The following SYT9 variants were observed in gnomAD, a reference collection of about 807,000 sequenced individuals.
The protein encoded by SYT9 is synaptotagmin 9.
SYT9 carries 22 observed loss-of-function variants against 48.4 expected under a neutral mutation model. The observed-to-expected ratio is 0.45, with a 90% CI of 0.32 to 0.65. SYT9 has a LOEUF of 0.65. Among genes scored for constraint, SYT9 ranks in the 30% least tolerant of loss-of-function variants. SYT9 has a pLI of 0.03. For missense variants in SYT9, 577 were observed against 622.0 expected (o/e 0.93, Z 0.77); for synonymous variants, 265 against 245.0 (o/e 1.08, Z -0.76).
At chr11:7,415,719 T>A (rs375419060) in intron 3 of SYT9, among the ~76,000 whole-genome samples, 1 of 152,132 alleles carries the variant, frequency 6.6e-6, no homozygotes, top group South Asian at 2.1e-4. Flanking sequence ...GTGAGACTTA[T>A]GCACTGGAGG....
intron 3 of SYT9, among the ~76,000 whole-genome samples, chr11:7,369,594 G>C (rs1163884926): frequency 1.3e-5 from 2 of 151,864 alleles, no homozygotes; most frequent in African/African-American, 4.8e-5. Flanking sequence ...TTTTCTTCTG[G>C]GGTTTTTATG....
chr11:7,377,119 C>A (rs1850468937), intron 3 of SYT9, among the ~76,000 whole-genome samples: 1 of 150,428 alleles, frequency 6.6e-6, no homozygotes, highest in Non-Finnish European at 1.5e-5. Flanking sequence ...CCCTGATCAA[C>A]CTATTGTTCC....
chr11:7,405,683 T>C (rs1846994392), intron 3 of SYT9, among the ~76,000 whole-genome samples: 1 of 152,198 alleles, frequency 6.6e-6, no homozygotes, highest in Admixed American at 6.5e-5. Context: ...GAGTGAAAAT[T>C]TAAAAATCTG....
intron 1 of SYT9, among the ~76,000 whole-genome samples, chr11:7,277,384 A>G (rs1167001118): frequency 6.6e-6 from 1 of 152,214 alleles, no homozygotes; most frequent in African/African-American, 2.4e-5. Flanking sequence ...GTTACTGAAC[A>G]TTGCATTGTT....
intron 3 of SYT9, among the ~76,000 whole-genome samples, chr11:7,408,182 G>A (rs1847059742): frequency 6.6e-6 from 1 of 152,166 alleles, no homozygotes; most frequent in African/African-American, 2.4e-5. Context: ...AGGCTGGAGT[G>A]CAATGGCATG....
chr11:7,336,327 A>G (rs943224308), intron 3 of SYT9, among the ~76,000 whole-genome samples: 1 of 152,154 alleles, frequency 6.6e-6, no homozygotes, highest in Admixed American at 6.5e-5. Flanking sequence ...TTTGTTGTGC[A>G]GAAGCTCTTA....
intron 3 of SYT9, among the ~76,000 whole-genome samples, chr11:7,348,613 C>T (rs1849846179): frequency 6.7e-6 from 1 of 149,898 alleles, no homozygotes; most frequent in African/African-American, 2.4e-5. Context: ...GAACTGAGCA[C>T]TCCCTCAGCA....
chr11:7,284,924 C>T (rs987853985), intron 1 of SYT9, among the ~76,000 whole-genome samples: 3 of 151,948 alleles, frequency 2.0e-5, no homozygotes, highest in African/African-American at 7.3e-5. Context: ...CCTTTTGCTC[C>T]CTCCCCTACT....
At chr11:7,395,009 A>AT (rs898132233) in intron 3 of SYT9, among the ~76,000 whole-genome samples, 18 of 149,840 alleles carry the variant, frequency 1.2e-4, no homozygotes, top group Admixed American at 3.3e-4. Flanking sequence ...GGGCATTTCT[A>AT]TTTTTTTTTT....
intron 1 of SYT9, among the ~76,000 whole-genome samples, chr11:7,284,868 T>A (rs1848567486): frequency 6.6e-6 from 1 of 152,224 alleles, no homozygotes; most frequent in African/African-American, 2.4e-5. Context: ...ATTCTTAGTG[T>A]CTTCAAAGAC....
At chr11:7,273,748 A>G (rs566158663) in intron 1 of SYT9, among the ~76,000 whole-genome samples, 65 of 152,318 alleles carry the variant, frequency 4.3e-4, no homozygotes, top group Non-Finnish European at 8.7e-4. Context: ...AAATAAAATT[A>G]TTACTGGATT....
At chr11:7,251,471 A>G (rs1402752158), upstream of SYT9, among the ~76,000 whole-genome samples, 1 of 152,010 alleles carries the variant, frequency 6.6e-6, no homozygotes, top group African/African-American at 2.4e-5. Flanking sequence ...CGAATCTTGG[A>G]CCCAAACCCT....
intron 3 of SYT9, among the ~76,000 whole-genome samples, chr11:7,355,566 C>G (rs1850005971): frequency 6.6e-6 from 1 of 152,216 alleles, no homozygotes; most frequent in South Asian, 2.1e-4. Flanking sequence ...ACCCCACCTT[C>G]TTCCATAAGC....
intron 1 of SYT9, among the ~76,000 whole-genome samples, chr11:7,273,628 G>A (rs1848335776): frequency 6.6e-6 from 1 of 152,134 alleles, no homozygotes; most frequent in South Asian, 2.1e-4. Context: ...GGTAGTCTGA[G>A]GGAAGTGTAT....
intron 1 of SYT9, among the ~76,000 whole-genome samples, chr11:7,273,866 C>T (rs981902637): frequency 1.3e-4 from 20 of 151,906 alleles, no homozygotes; most frequent in Admixed American, 8.5e-4. Flanking sequence ...CACATGGACA[C>T]AGGGAGGGGA....
chr11:7,244,193 C>A (rs897276399), intron 1 of SYT9, among the ~76,000 whole-genome samples: 1 of 152,150 alleles, frequency 6.6e-6, no homozygotes, highest in South Asian at 2.1e-4. Context: ...CTAAAGCCAA[C>A]AAATCTCTAT....
chr11:7,364,491 A>C (rs1003007146), intron 3 of SYT9, among the ~76,000 whole-genome samples: 13 of 152,240 alleles, frequency 8.5e-5, no homozygotes, highest in African/African-American at 3.1e-4. Flanking sequence ...TAAAGAAACA[A>C]ATGTTAAATA....
intron 6 of SYT9, among the ~76,000 whole-genome samples, chr11:7,452,671 A>G (rs1357945944): frequency 5.3e-5 from 8 of 152,044 alleles, no homozygotes; most frequent in Non-Finnish European, 1.5e-5. Flanking sequence ...GCAGAACATA[A>G]ATTCCATACA....
chr11:7,247,420 T>A (rs1847804207), upstream of SYT9, among the ~76,000 whole-genome samples: 1 of 151,620 alleles, frequency 6.6e-6, no homozygotes, highest in South Asian at 2.1e-4. Context: ...TCACTATGAA[T>A]GCCGTTAATT....
Sources: allele counts gnomAD v4.1 joint callset (sites outside exome capture counted in the v4.1 genomes callset), GRCh38; gene constraint gnomAD v4.1.1; transcripts MANE v1.5; gene names NCBI Gene and HGNC (gene_info 2026-07-23, HGNC 2026-07-21).